Variants in BEST3 observed in about 807,000 individuals in gnomAD.
BEST3 encodes bestrophin 3.
A neutral mutation model predicts 47.1 loss-of-function variants in BEST3; 50 were observed. The ratio of observed to expected loss-of-function variants is 1.06; its 90% CI spans 0.85 to 1.34. The LOEUF (loss-of-function observed/expected upper bound fraction) is 1.34. Among genes scored for constraint, BEST3 ranks in the 40% most tolerant of loss-of-function variants. The pLI, the probability that BEST3 is intolerant of heterozygous loss-of-function variation, is 0.00. For synonymous variants in BEST3, 282 were observed against 298.8 expected (o/e 0.94, Z 0.58); for missense variants, 765 against 817.0 (o/e 0.94, Z 0.78).
chr12:69,670,319 TA>T, intron 9 of BEST3: 1 of 634,272 alleles, frequency 1.6e-6, no homozygotes, highest in Non-Finnish European at 2.8e-6. Flanking sequence ...GAAGGCTAGC[TA>T]GAAGCAGAAG....
chr12:69,689,413 C>T (rs1885822354), intron 4 of BEST3: 2 of 191,240 alleles, frequency 1.0e-5, no homozygotes, highest in Non-Finnish European at 1.9e-5. Flanking sequence ...TTTGCCCTGC[C>T]GCCTAACACA....
At chr12:69,675,401 C>A (rs938867818) in intron 7 of BEST3, among the ~76,000 whole-genome samples, 5 of 152,282 alleles carry the variant, frequency 3.3e-5, no homozygotes, top group African/African-American at 1.2e-4. Context: ...CAGGCATGAG[C>A]CACCGCACCT....
chr12:69,680,466 G>A (rs903294437), intron 4 of BEST3, among the ~76,000 whole-genome samples: 2 of 151,668 alleles, frequency 1.3e-5, no homozygotes, highest in African/African-American at 2.4e-5. Flanking sequence ...CTGCCACCAC[G>A]CCCGGCTAAG....
In BEST3 at chr12:69,694,439, G is replaced by GT. The variant is rs566733141; in HGVS notation, c.177dup (p.Arg60ThrfsTer4). On this transcript the variant is annotated frameshift_variant, in exon 3 of 10. Transcript: ENST00000330891. LOFTEE classifies it high-confidence loss of function. Reference sequence around the variant, plus strand: ...TAAATTGATAATTTTTCAAAGTAACGTTTTTGGACTCCTGTAAGTAACAAT... The same window carrying GT: ...TAAATTGATAATTTTTCAAAGTAACGTTTTTTGGACTCCTGTAAGTAACAAT... The GT allele has an allele frequency of 1.2e-5, 20 of 1,605,500 alleles. No individual in the cohort carries two copies. Among genetic ancestry groups the GT allele is most frequent in the Non-Finnish European group, 1.7e-5 (20 of 1,175,318 alleles).
intron 9 of BEST3, among the ~76,000 whole-genome samples, chr12:69,647,448 G>C (rs988119111): frequency 6.6e-6 from 1 of 152,138 alleles, no homozygotes; most frequent in African/African-American, 2.4e-5. Context: ...GTATTCAGTG[G>C]GGAGGAGCTG....
intron 5 of BEST3, among the ~76,000 whole-genome samples, chr12:69,677,684 G>A (rs1037051918): frequency 5.3e-5 from 8 of 152,164 alleles, no homozygotes; most frequent in African/African-American, 1.9e-4. Flanking sequence ...CAGAGGCTGA[G>A]GTGGGAGAAT....
Position 69,653,857 on chromosome 12 carries a change from C to T in BEST3, c.*1050G>A, listed in dbSNP as rs554379746. ...ACCCGATAGACACAGTAACTGGTCC[C>T]GTGTTGCGACACGATTAGGATTTTT... is the stretch of plus-strand genomic sequence containing the variant. On this transcript the variant is annotated 3_prime_UTR_variant, in exon 10 of 10. Transcript: ENST00000330891. 1.4e-5 allele frequency: 14 copies of T among 985,394 alleles called. No homozygotes were observed. Among genetic ancestry groups the T allele is most frequent in the East Asian group, 2.3e-4 (2 of 8,810 alleles). The allele number at this position is 985,394 out of a possible 1,614,324, so 61.0% of individuals were successfully genotyped here.
At chr12:69,644,754 T>C (rs1882979752) in intron 9 of BEST3, among the ~76,000 whole-genome samples, 1 of 152,230 alleles carries the variant, frequency 6.6e-6, no homozygotes, top group South Asian at 2.1e-4. Context: ...GTTTTGATTA[T>C]GACACAAACT....
downstream of BEST3, among the ~76,000 whole-genome samples, chr12:69,651,831 GA>G (rs1406100456): frequency 2.7e-5 from 4 of 150,066 alleles, no homozygotes; most frequent in African/African-American, 9.8e-5. Context: ...TTTTTCTGGA[GA>G]AGAAGGAAGC....
In BEST3 at chr12:69,664,613, A is replaced by C. The variant is rs192767217; in HGVS notation, c.1100+6815T>G. Among the ~76,000 whole-genome samples the C allele has an allele frequency of 1.2e-3, 186 of 151,640 alleles. 1 individual carries two copies. Among genetic ancestry groups the C allele is most frequent in the African/African-American group, 3.8e-3 (158 of 41,416 alleles). On this transcript the variant is annotated intron_variant, in intron 9 of 9. Coordinates refer to ENST00000330891, the MANE Select transcript of BEST3 (RefSeq NM_032735.3). ...TTATCACATCTTGCTTCATCTTACA[A>C]AGGATTTGATGTGGCCTTCTGGAAA...
intron 9 of BEST3, among the ~76,000 whole-genome samples, chr12:69,659,315 G>A (rs2135924545): frequency 6.6e-6 from 1 of 152,258 alleles, no homozygotes; most frequent in Admixed American, 6.5e-5. Context: ...GACAGCAGAA[G>A]CTGTGCTTTA....
At chr12:69,673,518 A>G (rs1431850193) in intron 7 of BEST3, among the ~76,000 whole-genome samples, 1 of 152,108 alleles carries the variant, frequency 6.6e-6, no homozygotes, top group Non-Finnish European at 1.5e-5. Context: ...GCTCACTGCA[A>G]ACTCTGCCTC....
chr12:69,652,715 G>T (rs1013488863), downstream of BEST3, among the ~76,000 whole-genome samples: 1 of 152,190 alleles, frequency 6.6e-6, no homozygotes, highest in Non-Finnish European at 1.5e-5. Flanking sequence ...ATTTAGGAAT[G>T]AAAACTGATT....
rs534030177 is a variant in BEST3, at chr12:69,647,259, G to A, written c.1101-3472C>T. 7.2e-5 allele frequency among the ~76,000 whole-genome samples: 11 copies of A among 152,244 alleles called. No individual in the cohort carries two copies. The South Asian group carries it at 8.3e-4, about 11-fold the overall frequency. On this transcript the variant is annotated intron_variant, in intron 9 of 9. Transcript: ENST00000331471. ...TGAAGGATCCTGAACTATCATCTCCGTTTCTCCTTAAACAACAGCTCCTTA... is the reference window on the plus strand; with the variant it reads ...TGAAGGATCCTGAACTATCATCTCCATTTCTCCTTAAACAACAGCTCCTTA...
chr12:69,663,827 A>G (rs1370221890), intron 9 of BEST3, among the ~76,000 whole-genome samples: 1 of 152,186 alleles, frequency 6.6e-6, no homozygotes, highest in Non-Finnish European at 1.5e-5. Context: ...TGTCTCAAAA[A>G]TACAAAAGGC....
chr12:69,646,774 G>A (rs1883050570), intron 9 of BEST3, among the ~76,000 whole-genome samples: 1 of 152,162 alleles, frequency 6.6e-6, no homozygotes. Flanking sequence ...AAGTAATCGG[G>A]TTCCATTTTT....
intron 9 of BEST3, among the ~76,000 whole-genome samples, chr12:69,647,728 G>A (rs1883084587): frequency 6.6e-6 from 1 of 151,996 alleles, no homozygotes; most frequent in African/African-American, 2.4e-5. Flanking sequence ...AACTTCAAAA[G>A]CATAAAACAA....
At position 69,697,721 on chromosome 12, in the gene BEST3, G is replaced by A. The variant is rs1240616147; in HGVS notation, c.78C>T (p.Gly26=). 3.7e-6 allele frequency: 6 copies of A among 1,613,174 alleles called. No homozygotes were observed. In the Admixed American group the frequency reaches 5.0e-5, roughly 13 times the overall value. The stretch of plus-strand genomic sequence containing the variant: ...CCCTGTACAGTAGTTTGTAGATGCT[G>A]CCTCTCCACTTGAGGAGTAACCTAT... The part of the protein sequence containing the change: ...GFHRLLLKWR[G]SIYKLLYREF... Residue 26 remains glycine, a synonymous_variant, in exon 2 of 10, where the codon GGC becomes GGT. Coordinates refer to ENST00000330891, the MANE Select transcript of BEST3 (RefSeq NM_032735.3).
chr12:69,681,140 T>G (rs1885231999), intron 4 of BEST3, among the ~76,000 whole-genome samples: 1 of 152,162 alleles, frequency 6.6e-6, no homozygotes, highest in South Asian at 2.1e-4. Flanking sequence ...GAATTAAAAC[T>G]TACTTCTAAA....
Sources: allele counts gnomAD v4.1 joint callset (sites outside exome capture counted in the v4.1 genomes callset), GRCh38; gene constraint gnomAD v4.1.1; transcripts MANE v1.5; gene names NCBI Gene and HGNC (gene_info 2026-07-23, HGNC 2026-07-21).